Variants in TIMM23B observed in about 807,000 individuals in gnomAD.
TIMM23B encodes translocase of inner mitochondrial membrane 23 homolog B, also known as mitochondrial import inner membrane translocase subunit Tim23B.
Under a neutral mutation model 27.3 loss-of-function variants are expected in TIMM23B, and 27 were observed. The ratio of observed to expected loss-of-function variants is 0.99; its 90% CI spans 0.73 to 1.36. The LOEUF is 1.36. Ranked by LOEUF, TIMM23B falls within the 40% of genes most tolerant of loss-of-function variation. The pLI, the probability that TIMM23B is intolerant of heterozygous loss-of-function variation, is 0.00. For missense variants in TIMM23B, 205 were observed against 244.2 expected (o/e 0.84, Z 1.07); for synonymous variants, 73 against 92.4 (o/e 0.79, Z 1.21).
chr10:49,942,818 A>G (rs1269261261), intron 1 of TIMM23B, among the ~76,000 whole-genome samples: 2 of 152,224 alleles, frequency 1.3e-5, no homozygotes, highest in African/African-American at 2.4e-5. Context: ...TTTAAAGGTG[A>G]TATATAGACA....
chr10:49,965,538 AAT>A (rs1554855262), intron 6 of TIMM23B, among the ~76,000 whole-genome samples: 64 of 151,248 alleles, frequency 4.2e-4, no homozygotes, highest in Non-Finnish European at 5.3e-4. Context: ...AATGAAATGA[AAT>A]GAAATGAGAA....
intron 6 of TIMM23B, among the ~76,000 whole-genome samples, chr10:49,964,687 C>T (rs1240746088): frequency 7.2e-6 from 1 of 138,428 alleles, no homozygotes; most frequent in Non-Finnish European, 1.6e-5. Context: ...ATGCCAGGTG[C>T]AGTGGCACAC....
intron 1 of TIMM23B, 117 bp downstream of exon 1, chr10:49,942,417 TA>T: frequency 6.5e-7 from 1 of 1,531,378 alleles, no homozygotes; most frequent in East Asian, 2.5e-5. Context: ...TTTACAAGCT[TA>T]AGTACCAGTG....
chr10:49,957,117 G>A (rs1321280187), intron 5 of TIMM23B, among the ~76,000 whole-genome samples: 1 of 151,882 alleles, frequency 6.6e-6, no homozygotes, highest in Non-Finnish European at 1.5e-5. Context: ...CAAGCTCCAG[G>A]TTATTTTACC....
At chr10:49,954,869 T>A in intron 4 of TIMM23B, 133 bp from the exon 5 acceptor site, 1 of 711,942 alleles carries the variant, frequency 1.4e-6, no homozygotes, top group Non-Finnish European at 2.4e-6. Context: ...ATCGGAGATA[T>A]TAAGATGTAT....
At chr10:49,952,394 G>T (rs1458255477) in intron 3 of TIMM23B, 55 bp from the exon 4 acceptor site, 87,925 of 1,409,532 alleles carry the variant, frequency 0.062, 3,087 homozygotes, top group African/African-American at 0.21. Flanking sequence ...CAGTTTTGAG[G>T]TTTTTTTTTT....
chr10:49,959,371 G>A (rs1839823630), intron 6 of TIMM23B, among the ~76,000 whole-genome samples: 1 of 152,154 alleles, frequency 6.6e-6, no homozygotes, highest in Admixed American at 6.5e-5. Context: ...TCAATTTAGA[G>A]CATCTTATTC....
chr10:49,965,712 T>G (rs1840114236), intron 6 of TIMM23B, among the ~76,000 whole-genome samples: 1 of 144,430 alleles, frequency 6.9e-6, no homozygotes, highest in Non-Finnish European at 1.5e-5. Context: ...TGAAATGAAA[T>G]ACGAAATGCC....
chr10:49,971,445 C>G (rs1840444372), intron 6 of TIMM23B, among the ~76,000 whole-genome samples: 1 of 151,032 alleles, frequency 6.6e-6, no homozygotes, highest in South Asian at 2.1e-4. Flanking sequence ...TATTTTAAAA[C>G]AAACAAAAAA....
intron 6 of TIMM23B, among the ~76,000 whole-genome samples, chr10:49,965,111 T>G (rs1554855207): frequency 6.6e-6 from 1 of 151,726 alleles, no homozygotes; most frequent in Non-Finnish European, 1.5e-5. Flanking sequence ...TCCCAGCTAC[T>G]CGGGAGGCTG....
At chr10:49,945,783 A>G (rs1396309987) in intron 2 of TIMM23B, among the ~76,000 whole-genome samples, 1 of 152,218 alleles carries the variant, frequency 6.6e-6, no homozygotes, top group Non-Finnish European at 1.5e-5. Flanking sequence ...ATTGTGCCAT[A>G]TCAATTTATA....
chr10:49,958,403 A>G lies in TIMM23B; in HGVS notation c.437A>G (p.Glu146Gly). Residue 146 changes from glutamate (E) to glycine (G), a missense_variant, in exon 6 of 7, where the codon GAG (glutamate) becomes GGG (glycine). Glu to Gly is a moderately conservative substitution (Grantham distance 98). Coordinates refer to ENST00000651259, the MANE Select transcript of TIMM23B (RefSeq NM_001290117.2). The stretch of plus-strand genomic sequence containing the variant: ...TATAGTGCATTTGGTGTCATCATTG[A>G]GAAAACACGAGGTGCAGAAGATGAC... ...LLYSAFGVIIEKTRGAEDDLN... is the reference protein window; with the variant it reads ...LLYSAFGVIIGKTRGAEDDLN... 2.5e-6 allele frequency: 4 copies of G among 1,613,914 alleles called. No homozygotes were observed. The South Asian group carries it at 4.4e-5, about 18-fold the overall frequency.
At chr10:49,964,569 G>A (rs1343563814) in intron 6 of TIMM23B, among the ~76,000 whole-genome samples, 1 of 150,680 alleles carries the variant, frequency 6.6e-6, no homozygotes, top group Non-Finnish European at 1.5e-5. Flanking sequence ...GAAATGAAAT[G>A]ATGAAATGAA....
chr10:49,942,858 G>A (rs1166987159), intron 1 of TIMM23B, among the ~76,000 whole-genome samples: 5 of 152,112 alleles, frequency 3.3e-5, no homozygotes, highest in Non-Finnish European at 7.4e-5. Flanking sequence ...AGAATTATAG[G>A]AAAGGAAATA....
chr10:49,966,065 A>ATGACATGAC (rs1840134922), intron 6 of TIMM23B, among the ~76,000 whole-genome samples: 15 of 143,578 alleles, frequency 1.0e-4, no homozygotes, highest in African/African-American at 1.5e-4. Context: ...CTCGAAATGA[A>ATGACATGAC]ATGACATGAC....
intron 1 of TIMM23B, among the ~76,000 whole-genome samples, chr10:49,943,859 G>A (rs1177994615): frequency 2.0e-5 from 3 of 151,580 alleles, no homozygotes; most frequent in Non-Finnish European, 4.4e-5. Flanking sequence ...GCTGTAAAGG[G>A]AATAAAGCAG....
chr10:49,964,850 A>G (rs1244916765), intron 6 of TIMM23B, among the ~76,000 whole-genome samples: 1 of 152,220 alleles, frequency 6.6e-6, no homozygotes, highest in African/African-American at 2.4e-5. Context: ...GTGGTGATGC[A>G]CTCCAGCCTG....
intron 6 of TIMM23B, among the ~76,000 whole-genome samples, chr10:49,968,297 A>G (rs570157435): frequency 2.0e-5 from 3 of 152,382 alleles, no homozygotes; most frequent in East Asian, 1.9e-4. Context: ...CCTATTTTCA[A>G]TAGAAAAAAG....
intron 5 of TIMM23B, among the ~76,000 whole-genome samples, 190 bp downstream of exon 5, chr10:49,955,250 G>A (rs1355683375): frequency 2.0e-5 from 3 of 152,174 alleles, no homozygotes; most frequent in African/African-American, 7.2e-5. Context: ...AATCTCAGGT[G>A]CTGATACCAT....
Sources: allele counts gnomAD v4.1 joint callset (sites outside exome capture counted in the v4.1 genomes callset), GRCh38; gene constraint gnomAD v4.1.1; transcripts MANE v1.5; gene names NCBI Gene and HGNC (gene_info 2026-07-23, HGNC 2026-07-21).